RTF1: variants seen among roughly 807,000 people sequenced by gnomAD.
The protein encoded by RTF1 is RNA polymerase-associated protein RTF1 homolog.
In RTF1, 10 loss-of-function variants were observed where a neutral mutation model predicts 95.7. The observed-to-expected ratio is 0.10, with a 90% confidence interval of 0.06 to 0.18. RTF1 has a LOEUF of 0.18. RTF1 is among the 10% of genes least tolerant of loss of function. The pLI, the probability that RTF1 is intolerant of heterozygous loss-of-function variation, is 1.00. For missense variants in RTF1, 458 were observed against 875.6 expected (o/e 0.52, Z 6.02); for synonymous variants, 305 against 311.8 (o/e 0.98, Z 0.23).
chr15:41,419,854 C>T (rs978499216), intron 1 of RTF1, among the ~76,000 whole-genome samples: 15 of 152,102 alleles, frequency 9.9e-5, no homozygotes, highest in African/African-American at 3.6e-4. Flanking sequence ...GAGTCTTGTT[C>T]TGTTGCCTGG....
intron 9 of RTF1, among the ~76,000 whole-genome samples, chr15:41,475,303 A>T (rs1360821499): frequency 6.6e-6 from 1 of 152,142 alleles, no homozygotes; most frequent in Non-Finnish European, 1.5e-5. Context: ...TTGTAAATTG[A>T]CTTTTGAAGC....
At chr15:41,459,962 T>G (rs977123968) in intron 4 of RTF1, among the ~76,000 whole-genome samples, 1 of 152,192 alleles carries the variant, frequency 6.6e-6, no homozygotes, top group Non-Finnish European at 1.5e-5. Flanking sequence ...GAAAGGAGAA[T>G]AGAAGCATTT....
rs376408066 is a variant in RTF1, at chr15:41,477,856, A to G, written c.1740+341A>G. The stretch of plus-strand genomic sequence containing the variant: ...CGCGGTGTCTCACGCCTGTAATCCC[A>G]GCACTTTGGGAGGCCGAGGCGGGTG... On this transcript the variant is annotated intron_variant, in intron 14 of 17. Coordinates refer to ENST00000389629, the MANE Select transcript of RTF1 (RefSeq NM_015138.5). 1.1e-4 allele frequency among the ~76,000 whole-genome samples: 17 copies of G among 152,330 alleles called. No homozygotes were observed. The South Asian group carries it at 2.3e-3, about 20-fold the overall frequency.
intron 5 of RTF1, 108 bp downstream of exon 5, chr15:41,464,993 C>CT: frequency 7.3e-7 from 1 of 1,377,512 alleles, no homozygotes; most frequent in African/African-American, 1.5e-5. Flanking sequence ...ATTAATCAGC[C>CT]TAAGTTTATA....
intron 1 of RTF1, among the ~76,000 whole-genome samples, chr15:41,437,495 C>CA (rs1233168376): frequency 5.4e-5 from 8 of 147,016 alleles, no homozygotes; most frequent in East Asian, 2.0e-4. Context: ...GACTCTGTCT[C>CA]AAAAAAAAAG....
chr15:41,481,373 AG>A lies in RTF1; in HGVS notation c.*687del, dbSNP rs996570172. 2.0e-5 allele frequency: 3 copies of A among 152,346 alleles called. No individual in the cohort carries two copies. Among genetic ancestry groups the A allele is most frequent in the African/African-American group, 7.3e-5 (3 of 41,340 alleles). The allele number at this position is 152,346 out of a possible 1,614,324, so 9.4% of individuals were successfully genotyped here. A position where few individuals can be genotyped will look rare whatever the true frequency, so the allele number is the denominator to read the frequency against. ...TCTGTCATGGGTCTATAGCTGTTTC[AG>A]ATTTTTTTCAGCTGTACTTGAGCAT... On this transcript the variant is annotated 3_prime_UTR_variant, in exon 18 of 18. Coordinates refer to ENST00000389629, the MANE Select transcript of RTF1 (RefSeq NM_015138.5).
intron 1 of RTF1, among the ~76,000 whole-genome samples, chr15:41,436,376 G>A (rs2050702526): frequency 6.6e-6 from 1 of 150,762 alleles, no homozygotes; most frequent in South Asian, 2.1e-4. Context: ...AGAATGGTGT[G>A]AACCCGGGAG....
At chr15:41,475,845 C>T (rs200585486) in intron 11 of RTF1, 26 bp downstream of exon 11, 40 of 1,208,500 alleles carry the variant, frequency 3.3e-5, no homozygotes, top group South Asian at 7.9e-5. Context: ...CCCCAGAACC[C>T]GGAGGTTCAT....
At chr15:41,423,688 G>A (rs1296371808) in intron 1 of RTF1, among the ~76,000 whole-genome samples, 2 of 151,982 alleles carry the variant, frequency 1.3e-5, no homozygotes, top group East Asian at 3.9e-4. Context: ...TTAACAGTGA[G>A]GCTTTTAGGA....
At chr15:41,418,784 CAAAAAAA>C (rs753790136) in intron 1 of RTF1, among the ~76,000 whole-genome samples, 7 of 52,854 alleles carry the variant, frequency 1.3e-4, no homozygotes, top group African/African-American at 3.8e-4. Flanking sequence ...AACTCCATCA[CAAAAAAA>C]AAAAAAAAAA....
At chr15:41,465,164 C>T (rs1478371705) in intron 5 of RTF1, among the ~76,000 whole-genome samples, 1 of 149,868 alleles carries the variant, frequency 6.7e-6, no homozygotes, top group African/African-American at 2.5e-5. Context: ...CCCTTCCCTT[C>T]CTCCTTCCCT....
chr15:41,471,368 G>C lies in RTF1; in HGVS notation c.1203+19G>C. ...TTACCGGGTTGGTATTTCTTCCCTT[G>C]GACAATTGTCCATGCTTTCAGTATA... is the stretch of plus-strand genomic sequence containing the variant. On this transcript the variant is annotated intron_variant, in intron 8 of 17. Transcript: ENST00000389629. The C allele has an allele frequency of 4.4e-6, 7 of 1,595,334 alleles. No individual in the cohort carries two copies. The highest frequency in any genetic ancestry group is 5.1e-6 in the Non-Finnish European group (6 of 1,171,452).
intron 6 of RTF1, among the ~76,000 whole-genome samples, chr15:41,469,867 T>G (rs983199384): frequency 6.6e-6 from 1 of 152,172 alleles, no homozygotes. Flanking sequence ...CATTGGTAGA[T>G]GTACCAGTGG....
At position 41,480,775 on chromosome 15, in the gene RTF1, T is replaced by A; in HGVS notation, c.*88T>A. On this transcript the variant is annotated 3_prime_UTR_variant, in exon 18 of 18. Coordinates refer to ENST00000389629, the MANE Select transcript of RTF1 (RefSeq NM_015138.5). ...TTCCTTTGATTTAGCCTCTTTGGGC[T>A]GGAGCAGCTGTTGAACTGGGAAGAG... 1.1e-6 allele frequency: 1 copy of A among 941,902 alleles called. No individual in the cohort carries two copies. The highest frequency in any genetic ancestry group is 1.7e-6 in the Non-Finnish European group (1 of 583,648). 58.3% of individuals were successfully genotyped at this position (941,902 alleles called of 1,614,324 possible).
At chr15:41,434,535 G>C (rs896355029) in intron 1 of RTF1, among the ~76,000 whole-genome samples, 1 of 152,046 alleles carries the variant, frequency 6.6e-6, no homozygotes, top group Non-Finnish European at 1.5e-5. Flanking sequence ...GATGTATAAA[G>C]ATGAGAGAAT....
At chr15:41,437,495 CAAAA>C in intron 1 of RTF1, among the ~76,000 whole-genome samples, 1 of 147,126 alleles carries the variant, frequency 6.8e-6, no homozygotes, top group Middle Eastern at 3.4e-3. Flanking sequence ...GACTCTGTCT[CAAAA>C]AAAAAGAAAA....
intron 8 of RTF1, among the ~76,000 whole-genome samples, chr15:41,473,942 CAGG>C (rs777123334): frequency 9.2e-5 from 14 of 152,054 alleles, no homozygotes; most frequent in Non-Finnish European, 1.3e-4. Context: ...GCGGCTGAGG[CAGG>C]AGAATCACTT....
intron 3 of RTF1, among the ~76,000 whole-genome samples, chr15:41,453,879 TTA>T (rs979443688): frequency 3.9e-5 from 6 of 152,128 alleles, no homozygotes; most frequent in Non-Finnish European, 8.8e-5. Flanking sequence ...AAAGCTGACT[TTA>T]TAAAATTGGC....
intron 8 of RTF1, among the ~76,000 whole-genome samples, chr15:41,472,391 G>A (rs889882980): frequency 6.6e-6 from 1 of 151,556 alleles, no homozygotes; most frequent in Non-Finnish European, 1.5e-5. Flanking sequence ...ATTTTTAGTA[G>A]AGATGGGGTT....
Sources: gnomAD v4.1 joint callset for allele counts (sites outside exome capture counted in the v4.1 genomes callset) on GRCh38, gnomAD v4.1.1 for gene constraint, MANE v1.5 for transcripts, NCBI Gene and HGNC (gene_info 2026-07-23, HGNC 2026-07-21) for gene names.